LYST: variants seen among roughly 807,000 people sequenced by gnomAD.
LYST encodes the protein lysosomal trafficking regulator.
LYST carries 192 observed loss-of-function variants against 413.6 expected under a neutral mutation model. That is an observed-to-expected ratio of 0.46 (90% CI 0.41 to 0.52). The LOEUF is 0.52. Ranked by LOEUF, LYST falls within the 20% of genes least tolerant of loss-of-function variation. LYST has a pLI of 0.00. For missense variants in LYST, 3,815 were observed against 4,499.9 expected (o/e 0.85, Z 4.35); for synonymous variants, 1,525 against 1,567.3 (o/e 0.97, Z 0.64).
At chr1:235,848,766 A>G (rs887601314) in intron 1 of LYST, among the ~76,000 whole-genome samples, 2 of 152,126 alleles carry the variant, frequency 1.3e-5, no homozygotes, top group Admixed American at 6.5e-5. Context: ...GACATAAACT[A>G]GAAAGTCTAG....
chr1:235,720,634 C>T, intron 40 of LYST, 27 bp downstream of exon 40: 2 of 1,610,906 alleles, frequency 1.2e-6, no homozygotes, highest in Non-Finnish European at 1.7e-6. Context: ...TGGATGAACC[C>T]TAAAGGTGAT....
rs184080634 is a variant in LYST at position 235,827,497 on chromosome 1, C to T, written c.192+2729G>A. ...CACAGATAGAAAAACTAAATTTCCT[C>T]CTAAAACATACAACTATGTGTCTAG... On this transcript the variant is annotated intron_variant, in intron 3 of 52. Transcript: ENST00000389793. The T allele has an allele frequency of 3.1e-6, 3 of 980,968 alleles. No homozygotes were observed. The East Asian group carries it at 3.4e-4, about 112-fold the overall frequency. The allele number at this position is 980,968 out of a possible 1,614,324, so 60.8% of individuals were successfully genotyped here.
At chr1:235,798,847 A>G (rs1029512570) in intron 10 of LYST, among the ~76,000 whole-genome samples, 2 of 152,136 alleles carry the variant, frequency 1.3e-5, no homozygotes, top group Non-Finnish European at 2.9e-5. Context: ...GTTAAGGTGC[A>G]ATAGGCAATA....
At chr1:235,836,077 AAAT>A (rs1676540829) in intron 1 of LYST, among the ~76,000 whole-genome samples, 1 of 152,242 alleles carries the variant, frequency 6.6e-6, no homozygotes, top group African/African-American at 2.4e-5. Flanking sequence ...CTCCTCAGAA[AAAT>A]AATGTTTCAC....
intron 7 of LYST, 137 bp downstream of exon 7, chr1:235,804,367 A>G: frequency 1.3e-6 from 1 of 746,138 alleles, no homozygotes; most frequent in South Asian, 1.5e-5. Context: ...TCACGAGGAG[A>G]TAAGATCCAC....
intron 10 of LYST, among the ~76,000 whole-genome samples, chr1:235,795,514 C>A (rs1281485826): frequency 6.6e-6 from 1 of 152,140 alleles, no homozygotes; most frequent in Non-Finnish European, 1.5e-5. Flanking sequence ...GCCAGCCAAG[C>A]CCTATATGTG....
At chr1:235,711,965 T>C in intron 43 of LYST, 92 bp downstream of exon 43, 1 of 989,940 alleles carries the variant, frequency 1.0e-6, no homozygotes, top group South Asian at 1.8e-5. Flanking sequence ...CAAAAATTTT[T>C]AGGACTTAAA....
Position 235,662,693 on chromosome 1 carries a change from C to G in LYST, c.*247G>C. On this transcript the variant is annotated 3_prime_UTR_variant, in exon 53 of 53. Coordinates refer to ENST00000389793, the MANE Select transcript of LYST (RefSeq NM_000081.4). ...AAGAATATCATTTTAATGTACCATGCGAGGCTTAAAACTTGTTGGCTAGTG... is the reference window on the plus strand; with the variant it reads ...AAGAATATCATTTTAATGTACCATGGGAGGCTTAAAACTTGTTGGCTAGTG... The G allele has an allele frequency of 1.9e-6, 1 of 531,648 alleles. No individual in the cohort carries two copies. Among genetic ancestry groups the G allele is most frequent in the South Asian group, 2.0e-5 (1 of 50,144 alleles). The allele number at this position is 531,648 out of a possible 1,614,324, so 32.9% of individuals were successfully genotyped here.
intron 20 of LYST, among the ~76,000 whole-genome samples, chr1:235,769,793 A>G (rs1472604303): frequency 6.6e-6 from 1 of 152,182 alleles, no homozygotes; most frequent in Non-Finnish European, 1.5e-5. Context: ...GTTTATATTT[A>G]TTAAAGCAAT....
At chr1:235,841,882 G>A (rs1239248124) in intron 1 of LYST, among the ~76,000 whole-genome samples, 1 of 152,150 alleles carries the variant, frequency 6.6e-6, no homozygotes, top group East Asian at 1.9e-4. Context: ...CTAGAGATTG[G>A]GGGCTAAAGG....
chr1:235,698,799 G>A (rs1330951404), intron 45 of LYST, among the ~76,000 whole-genome samples: 2 of 151,990 alleles, frequency 1.3e-5, no homozygotes, highest in Non-Finnish European at 2.9e-5. Flanking sequence ...CATGAACCTG[G>A]GAGGCAGAGC....
chr1:235,841,524 A>G (rs1677202675), intron 1 of LYST, among the ~76,000 whole-genome samples: 1 of 152,182 alleles, frequency 6.6e-6, no homozygotes, highest in South Asian at 2.1e-4. Context: ...AATGCTACAC[A>G]TTAGGGTCTT....
intron 9 of LYST, 102 bp from the exon 10 acceptor site, chr1:235,800,488 T>C (rs758826015): frequency 3.4e-4 from 229 of 681,220 alleles, no homozygotes; most frequent in Non-Finnish European, 4.6e-4. Context: ...CTACTATATA[T>C]GTATATATGT....
In LYST at chr1:235,664,580, C is replaced by A. The variant is rs1351634076; in HGVS notation, c.11080G>T (p.Asp3694Tyr). ...CTGCAGTGGACATGTCCAACGAGATCCCCGTTCACCGTCCAGAGTCTGAGG... is the reference window on the plus strand; with the variant it reads ...CTGCAGTGGACATGTCCAACGAGATACCCGTTCACCGTCCAGAGTCTGAGG... ...SDLRLWTVNG[D>Y]LVGHVHCREI... is the part of the protein sequence containing the mutation. Residue 3694 changes from aspartate to tyrosine, a missense_variant, in exon 51 of 53, where the codon GAT (aspartate) becomes TAT (tyrosine). Asp to Tyr is a radical substitution (Grantham distance 160). This residue lies in a region of LYST where 866 missense variants were observed against 1,156.0 expected (regional missense o/e 0.75). Transcript: ENST00000389793. This position sits in a 1 kb window ranked among gnomAD's most constrained non-coding sequence, Gnocchi z 4.5. 1.2e-6 allele frequency: 2 copies of A among 1,614,012 alleles called. No individual in the cohort carries two copies. The highest frequency in any genetic ancestry group is 2.7e-5 in the African/African-American group (2 of 74,912).
intron 10 of LYST, among the ~76,000 whole-genome samples, chr1:235,798,905 A>T (rs1018171017): frequency 6.6e-6 from 1 of 152,172 alleles, no homozygotes; most frequent in Non-Finnish European, 1.5e-5. Flanking sequence ...AAAATGTTCT[A>T]AAATTAATTG....
At chr1:235,822,927 A>G (rs1196097319) in intron 3 of LYST, among the ~76,000 whole-genome samples, 1 of 152,178 alleles carries the variant, frequency 6.6e-6, no homozygotes, top group Non-Finnish European at 1.5e-5. Flanking sequence ...GCCCCACCCA[A>G]TAGCCCTCAG....
chr1:235,866,584 C>G (rs1309594493), intron 1 of LYST, among the ~76,000 whole-genome samples: 1 of 152,212 alleles, frequency 6.6e-6, no homozygotes, highest in African/African-American at 2.4e-5. Flanking sequence ...CCCAGCCGAG[C>G]TCCCGCCCGC....
intron 10 of LYST, among the ~76,000 whole-genome samples, chr1:235,798,158 A>T (rs1289492205): frequency 4.6e-5 from 7 of 152,162 alleles, no homozygotes; most frequent in Non-Finnish European, 1.5e-5. Context: ...AACAAAAACA[A>T]GGAAAGTCTG....
At chr1:235,792,350 T>C (rs553278406) in intron 11 of LYST, among the ~76,000 whole-genome samples, 1 of 152,232 alleles carries the variant, frequency 6.6e-6, no homozygotes, top group Admixed American at 6.5e-5. Flanking sequence ...AGTCTCACTC[T>C]GTTGCCCAGG....
Sources: allele counts gnomAD v4.1 joint callset (sites outside exome capture counted in the v4.1 genomes callset), GRCh38; gene constraint gnomAD v4.1.1; regional missense constraint gnomAD v4.1.1; non-coding constraint Gnocchi (gnomAD v3.1); transcripts MANE v1.5; gene names NCBI Gene and HGNC (gene_info 2026-07-23, HGNC 2026-07-21).